The following PDE12 variants were observed in gnomAD, a reference collection of about 807,000 sequenced individuals.
PDE12 encodes phosphodiesterase 12.
In PDE12, 26 loss-of-function variants were observed where a neutral mutation model predicts 45.4. The observed-to-expected ratio is 0.57, with a 90% CI of 0.42 to 0.79. The LOEUF (loss-of-function observed/expected upper bound fraction) is 0.79. PDE12 is among the 30% of genes least tolerant of loss of function. The probability of loss-of-function intolerance (pLI) is 0.00; values close to 1 mark genes in which losing one functional copy is unlikely to be tolerated. For missense variants in PDE12, 668 were observed against 790.0 expected, an observed-to-expected ratio of 0.85 and a Z score of 1.85; for synonymous variants, 283 against 323.9, an observed-to-expected ratio of 0.87 and a Z score of 1.36.
the PDE12 span, chr3:57,625,903 T>C: frequency 6.6e-6 from 1 of 152,604 alleles, no homozygotes; most frequent in Non-Finnish European, 1.5e-5. Flanking sequence ...TGTAGTGGCA[T>C]AATTTAAAAG....
the PDE12 span, among the ~76,000 whole-genome samples, chr3:57,619,852 AAAAT>A: frequency 3.3e-5 from 5 of 150,938 alleles, no homozygotes; most frequent in Admixed American, 6.6e-5. Context: ...TCTGTCTCAA[AAAAT>A]AAATAAATAA....
Position 57,556,708 on chromosome 3 carries a change from G to A in PDE12, c.329G>A (p.Gly110Glu), listed in dbSNP as rs750977674. Residue 110 changes from glycine to glutamate, a missense_variant, in exon 1 of 3, where the codon GGG (glycine) becomes GAG (glutamate). Around this residue, in one of 3 missense-constraint regions of PDE12, gnomAD observed 580 missense variants for 662.9 expected, o/e 0.87. Transcript: ENST00000311180. The surrounding 1 kb of genome is among the most constrained non-coding windows in gnomAD (Gnocchi z 5.0). ...GCTAGCGGCGGTGCGGCCTGTTCAG[G>A]GCCGGGGCCTGAGCCGGCTGTGTTC... ...PNASGGAACS[G>E]PGPEPAVFCE... is the part of the protein sequence containing the mutation. The A allele has an allele frequency of 1.8e-5, 28 of 1,596,726 alleles. No homozygotes were observed. In the South Asian group the frequency reaches 2.9e-4, roughly 17 times the overall value.
the PDE12 span, among the ~76,000 whole-genome samples, chr3:57,613,667 G>A: frequency 2.2e-4 from 33 of 151,668 alleles, no homozygotes; most frequent in Non-Finnish European, 3.2e-4. Flanking sequence ...TTTGGAGGCC[G>A]AGGAGGGCGG....
At chr3:57,585,725 C>T in the PDE12 span, among the ~76,000 whole-genome samples, 1 of 143,942 alleles carries the variant, frequency 6.9e-6, no homozygotes, top group Non-Finnish European at 1.5e-5. Context: ...TGCAATGGTG[C>T]AATATCAGCT....
chr3:57,608,468 T>G, the PDE12 span, among the ~76,000 whole-genome samples: 1 of 151,908 alleles, frequency 6.6e-6, no homozygotes, highest in Non-Finnish European at 1.5e-5. Context: ...TCAAGACCCA[T>G]CAGTGTGCTG....
chr3:57,597,413 C>A, the PDE12 span: 1 of 313,970 alleles, frequency 3.2e-6, no homozygotes, highest in South Asian at 3.9e-5. Context: ...CGCGGCGACT[C>A]CAGCAGCGGC....
At chr3:57,645,692 A>G in the PDE12 span, 1 of 1,613,246 alleles carries the variant, frequency 6.2e-7, no homozygotes, top group Non-Finnish European at 8.5e-7. Flanking sequence ...TATTCTTTGA[A>G]TTCACTATCA....
the PDE12 span, among the ~76,000 whole-genome samples, chr3:57,648,680 T>C: frequency 6.6e-6 from 1 of 152,110 alleles, no homozygotes; most frequent in Non-Finnish European, 1.5e-5. Flanking sequence ...TATAGACCAA[T>C]GGAACAGAAC....
chr3:57,608,041 G>A, the PDE12 span, among the ~76,000 whole-genome samples: 6 of 152,098 alleles, frequency 3.9e-5, no homozygotes, highest in Admixed American at 1.3e-4. Flanking sequence ...CTGAGCTCTC[G>A]GCAGAAACTC....
At chr3:57,629,667 A>G in the PDE12 span, among the ~76,000 whole-genome samples, 1 of 148,174 alleles carries the variant, frequency 6.7e-6, no homozygotes, top group East Asian at 2.0e-4. Flanking sequence ...GCCTGCCACC[A>G]CGCCCGGCTA....
chr3:57,586,410 A>T, the PDE12 span, among the ~76,000 whole-genome samples: 12 of 152,344 alleles, frequency 7.9e-5, no homozygotes, highest in East Asian at 1.7e-3. Context: ...ATCTTTTATC[A>T]GTTAGTCCAA....
At chr3:57,594,772 A>T in the PDE12 span, among the ~76,000 whole-genome samples, 51 of 152,214 alleles carry the variant, frequency 3.4e-4, no homozygotes, top group African/African-American at 1.2e-3. Flanking sequence ...AACATTAATA[A>T]TTCCAACAGT....
At position 57,560,302 on chromosome 3, in the gene PDE12, GTTT is replaced by G; in HGVS notation, c.*302_*304del. 1 of 1,139,210 alleles carries G rather than the reference GTTT, an allele frequency of 8.8e-7. No individual in the cohort carries two copies. Among genetic ancestry groups the G allele is most frequent in the Non-Finnish European group, 1.1e-6 (1 of 927,638 alleles). The allele number at this position is 1,139,210 out of a possible 1,614,324, so 70.6% of individuals were successfully genotyped here. On this transcript the variant is annotated 3_prime_UTR_variant, in exon 3 of 3. Transcript: ENST00000311180. Reference sequence around the variant, plus strand: ...CAGAAAAGGAAGATTGAATTAGCGTGTTTTTTGTTTGTTTGTTTTTGTTTTTGT... The same window carrying G: ...CAGAAAAGGAAGATTGAATTAGCGTGTTTGTTTGTTTGTTTTTGTTTTTGT...
rs2069672647 is a variant in PDE12, at chr3:57,557,170, T to G, written c.791T>G (p.Leu264Trp). The change falls in exon 1 of 3, where the codon TTG becomes TGG. Residue 264 changes from leucine to tryptophan, a missense_variant. Physicochemically the swap from Leu to Trp is moderately conservative, Grantham distance 61. Transcript: ENST00000311180. ...DGQRFGHSRE[L>W]ESVCVVEAGP... ...CAGCGCTTTGGGCACAGCCGGGAGT[T>G]GGAAAGTGTGTGTGTGGTAGAGGCT... is the stretch of plus-strand genomic sequence containing the variant. 1 of 1,614,086 alleles carries G rather than the reference T, an allele frequency of 6.2e-7. No homozygotes were observed. Among genetic ancestry groups the G allele is most frequent in the Non-Finnish European group, 8.5e-7 (1 of 1,179,996 alleles).
At chr3:57,590,343 G>A in the PDE12 span, among the ~76,000 whole-genome samples, 408 of 150,022 alleles carry the variant, frequency 2.7e-3, 1 homozygote, top group African/African-American at 9.4e-3. Flanking sequence ...AAAATTAGCC[G>A]GGCGCAGTGG....
chr3:57,586,438 C>A, the PDE12 span, among the ~76,000 whole-genome samples: 2 of 152,222 alleles, frequency 1.3e-5, no homozygotes, highest in Admixed American at 6.5e-5. Flanking sequence ...GCGAAGGCTA[C>A]AGGCAATTCT....
rs2069730145 is a variant in PDE12, at chr3:57,561,658, G to T, written c.*1654G>T. On this transcript the variant is annotated 3_prime_UTR_variant, in exon 3 of 3. Transcript: ENST00000311180. ...TTAATTAATAGCTCGAGTATTAAAA[G>T]CCCACTCCCTTCAAGAAAAGCTTTG... is the stretch of plus-strand genomic sequence containing the variant. The T allele has an allele frequency of 3.0e-6, 3 of 984,796 alleles. No homozygotes were observed. The highest frequency in any genetic ancestry group is 3.6e-6 in the Non-Finnish European group (3 of 829,562). The allele number at this position is 984,796 out of a possible 1,614,324, so 61.0% of individuals were successfully genotyped here. A position where few individuals can be genotyped will look rare whatever the true frequency, so the allele number is the denominator to read the frequency against.
the PDE12 span, among the ~76,000 whole-genome samples, chr3:57,631,752 T>A: frequency 3.1e-5 from 4 of 129,552 alleles, no homozygotes; most frequent in East Asian, 7.6e-4. Context: ...AGACGGAGTC[T>A]CACTCTTTCG....
At chr3:57,645,723 G>GA in the PDE12 span, 2 of 1,613,412 alleles carry the variant, frequency 1.2e-6, no homozygotes, top group Non-Finnish European at 1.7e-6. Flanking sequence ...AATAAGGTCG[G>GA]AAATCACTGA....
Sources: gnomAD v4.1 joint callset for allele counts (sites outside exome capture counted in the v4.1 genomes callset) on GRCh38, gnomAD v4.1.1 for gene constraint, gnomAD v4.1.1 regional missense constraint, Gnocchi (gnomAD v3.1) non-coding constraint, MANE v1.5 for transcripts, NCBI Gene and HGNC (gene_info 2026-07-23, HGNC 2026-07-21) for gene names.